The following SMG9 variants were observed in gnomAD, a reference collection of about 807,000 sequenced individuals.
SMG9 encodes nonsense-mediated mRNA decay factor SMG9.
SMG9 carries 55 observed loss-of-function variants against 64.0 expected under a neutral mutation model. That is an observed-to-expected ratio of 0.86 (90% CI 0.69 to 1.08). The LOEUF (loss-of-function observed/expected upper bound fraction) is 1.08. SMG9 is among the 50% of genes least tolerant of loss of function. SMG9 has a pLI of 0.00. For synonymous variants in SMG9, 244 were observed against 254.8 expected, an observed-to-expected ratio of 0.96 and a Z score of 0.41; for missense variants, 554 against 681.3, an observed-to-expected ratio of 0.81 and a Z score of 2.08.
In SMG9 at chr19:43,733,352, T is replaced by C. The variant is rs1478255215; in HGVS notation, c.1311A>G (p.Glu437=). ...CTCTTGGTGGGTTTTCACTCTCTGC[T>C]TCACTGTCCATGAAGGGTACCAGGA... ...NLFLVPFMDS[E]AESENPPRAG... is the part of the protein sequence containing the mutation. Residue 437 remains glutamate (E), a synonymous_variant, in exon 12 of 14, where the codon GAA becomes GAG. Transcript: ENST00000270066. 1.2e-6 allele frequency: 2 copies of C among 1,614,032 alleles called. No homozygotes were observed. Among genetic ancestry groups the C allele is most frequent in the Non-Finnish European group, 1.7e-6 (2 of 1,180,010 alleles).
chr19:43,752,155 T>C (rs1314488621), intron 1 of SMG9, among the ~76,000 whole-genome samples: 2 of 152,224 alleles, frequency 1.3e-5, no homozygotes, highest in Non-Finnish European at 2.9e-5. Flanking sequence ...CATTTCAGTG[T>C]CTGTCTGTCT....
In SMG9 at chr19:43,737,251, C is replaced by T. The variant is rs150581465; in HGVS notation, c.995+346G>A. On this transcript the variant is annotated intron_variant, in intron 9 of 13. Transcript: ENST00000270066. ...TTGTACCACTGCACTCCAGCCTGGGCGACAGAGCGAGACTCCGTCTCAATA... is the reference window on the plus strand; with the variant it reads ...TTGTACCACTGCACTCCAGCCTGGGTGACAGAGCGAGACTCCGTCTCAATA... Among the ~76,000 whole-genome samples the T allele has an allele frequency of 2.9e-3, 434 of 151,310 alleles. 3 individuals carry two copies. Among genetic ancestry groups the T allele is most frequent in the African/African-American group, 0.01 (426 of 41,292 alleles).
intron 13 of SMG9, among the ~76,000 whole-genome samples, chr19:43,731,881 T>C (rs1373485505): frequency 1.3e-5 from 2 of 152,260 alleles, no homozygotes; most frequent in Non-Finnish European, 2.9e-5. Flanking sequence ...ACCCAGGTTA[T>C]GCAAAGCTGA....
chr19:43,744,559 G>C (rs1262645096), intron 6 of SMG9, among the ~76,000 whole-genome samples: 1 of 149,544 alleles, frequency 6.7e-6, no homozygotes, highest in South Asian at 2.2e-4. Context: ...GGAAGGGAGG[G>C]AGGGAGGGAG....
Position 43,731,656 on chromosome 19 carries a change from C to G in SMG9, c.1503G>C (p.Arg501=). ...TEKNWFHYAA[R]IWDGVRKSSA... ...AGGACTTTCTCACCCCATCCCAGAT[C>G]CGGGCAGCGTAGTGGAACCTGTGAG... is the stretch of plus-strand genomic sequence containing the variant. The change falls in exon 14 of 14, where the codon CGG becomes CGC. Residue 501 remains arginine (R), a synonymous_variant. Coordinates refer to ENST00000270066, the MANE Select transcript of SMG9 (RefSeq NM_019108.4). 6.2e-7 allele frequency: 1 copy of G among 1,614,240 alleles called. No homozygotes were observed. Among genetic ancestry groups the G allele is most frequent in the Middle Eastern group, 1.6e-4 (1 of 6,062 alleles).
chr19:43,746,679 A>G (rs346534), intron 5 of SMG9, among the ~76,000 whole-genome samples: 41,144 of 150,098 alleles, frequency 0.27, 6,318 homozygotes, highest in African/African-American at 0.42. Context: ...GGGACACAAC[A>G]TCTGGGAGAC....
chr19:43,735,160 A>C (rs1246200523), intron 9 of SMG9, among the ~76,000 whole-genome samples: 1 of 152,230 alleles, frequency 6.6e-6, no homozygotes, highest in Non-Finnish European at 1.5e-5. Flanking sequence ...CTTGATCTGC[A>C]TCTAATGATC....
chr19:43,733,851 A>G, intron 10 of SMG9, 118 bp from the exon 11 acceptor site: 1 of 696,914 alleles, frequency 1.4e-6, no homozygotes, highest in African/African-American at 1.8e-5. Flanking sequence ...GTAAATATTT[A>G]TATAACTTCA....
chr19:43,731,422 T>G lies in SMG9; in HGVS notation c.*174A>C. ...CAGTCACCCCCGGAACAGCCCCAAC[T>G]GAGGGTGGGGGGCCTGGCCCTGGAC... On this transcript the variant is annotated 3_prime_UTR_variant, in exon 14 of 14. Transcript: ENST00000270066. 1.4e-6 allele frequency: 2 copies of G among 1,431,382 alleles called. No homozygotes were observed. Among genetic ancestry groups the G allele is most frequent in the Admixed American group, 5.8e-5 (2 of 34,374 alleles). 88.7% of individuals were successfully genotyped at this position (1,431,382 alleles called of 1,614,324 possible).
rs1223810314 is a variant in SMG9 at position 43,730,576 on chromosome 19, T to G, written c.*1020A>C. The G allele has an allele frequency of 1.3e-5, 2 of 152,104 alleles. No homozygotes were observed. The highest frequency in any genetic ancestry group is 2.4e-5 in the African/African-American group (1 of 41,402). The allele number at this position is 152,104 out of a possible 1,614,324, so 9.4% of individuals were successfully genotyped here. A position where few individuals can be genotyped will look rare whatever the true frequency, so the allele number is the denominator to read the frequency against. ...AGTCAAAAGTAGGCTTTTTTTTTTT[T>G]TTTGAGACGGAGTCTCGCTCTGTTG... On this transcript the variant is annotated 3_prime_UTR_variant, in exon 14 of 14. Transcript: ENST00000270066.
chr19:43,731,861 T>A (rs2146354929), intron 13 of SMG9, among the ~76,000 whole-genome samples, 187 bp from the exon 14 acceptor site: 1 of 152,338 alleles, frequency 6.6e-6, no homozygotes, highest in East Asian at 1.9e-4. Flanking sequence ...GGCCCAACTT[T>A]TCTTAGCTCA....
Position 43,744,834 on chromosome 19 carries a change from C to T in SMG9, c.639G>A (p.Gln213=). ...DVLVVGVLGL[Q]GTGKSMVMSL... is the part of the protein sequence containing the mutation. ...ACATGACCATGGACTTGCCTGTCCC[C>T]TGGAGGCCCAGGACACCAACCACCA... Residue 213 remains glutamine (Q), a synonymous_variant, in exon 6 of 14, where the codon CAG becomes CAA. Coordinates refer to ENST00000270066, the MANE Select transcript of SMG9 (RefSeq NM_019108.4). The T allele has an allele frequency of 6.2e-7, 1 of 1,614,012 alleles. No individual in the cohort carries two copies. The highest frequency in any genetic ancestry group is 8.5e-7 in the Non-Finnish European group (1 of 1,179,916).
In SMG9 at chr19:43,731,574, C is replaced by A. The variant is rs1052309402; in HGVS notation, c.*22G>T. ...CACTGCGGACCCAGGAGGTCCCCTG[C>A]ATGACATTCCTCTCCTTGGCCTCAG... On this transcript the variant is annotated 3_prime_UTR_variant, in exon 14 of 14. Coordinates refer to ENST00000270066, the MANE Select transcript of SMG9 (RefSeq NM_019108.4). 6.2e-7 allele frequency: 1 copy of A among 1,614,126 alleles called. No individual in the cohort carries two copies. The highest frequency in any genetic ancestry group is 1.3e-5 in the African/African-American group (1 of 75,072).
At position 43,747,978 on chromosome 19, in the gene SMG9, C is replaced by T; in HGVS notation, c.225G>A (p.Arg75=). 1 of 1,614,194 alleles carries T rather than the reference C, an allele frequency of 6.2e-7. No homozygotes were observed. Among genetic ancestry groups the T allele is most frequent in the Non-Finnish European group, 8.5e-7 (1 of 1,180,044 alleles). ...PIILSKPPAE[R]SKQPPPPTAP... is the part of the protein sequence containing the mutation. ...CCCTCCTCCCTCCTTCTCTGCTCAC[C>T]CGCTCTGCTGGAGGTTTTGAGAGGA... Residue 75 remains arginine (R), a splice_region_variant and synonymous_variant, in exon 3 of 14, where the codon CGG becomes CGA. Coordinates refer to ENST00000270066, the MANE Select transcript of SMG9 (RefSeq NM_019108.4).
intron 5 of SMG9, among the ~76,000 whole-genome samples, chr19:43,746,819 CTT>C (rs11326289): frequency 9.2e-4 from 124 of 134,106 alleles, no homozygotes; most frequent in Admixed American, 6.8e-4. Context: ...GCTTCTTGTT[CTT>C]TTTTTTTTTT....
chr19:43,748,223 C>T (rs1373365660), intron 2 of SMG9, among the ~76,000 whole-genome samples, 171 bp from the exon 3 acceptor site: 2 of 152,168 alleles, frequency 1.3e-5, no homozygotes, highest in African/African-American at 4.8e-5. Flanking sequence ...GAAAATGAAG[C>T]CTAGAAAGGT....
At chr19:43,750,781 G>C in intron 1 of SMG9, 34 bp from the exon 2 acceptor site, 1 of 1,579,058 alleles carries the variant, frequency 6.3e-7, no homozygotes, top group Non-Finnish European at 8.6e-7. Context: ...CAGGATGACA[G>C]AGTCTCTTCC....
chr19:43,732,678 G>C lies in SMG9; in HGVS notation c.1484+180C>G, dbSNP rs557873450. On this transcript the variant is annotated intron_variant, in intron 13 of 13. Transcript: ENST00000270066. ...GGAGGATTCAAAGTCACAGGAAACA[G>C]CATGTTGCCACATGGGTGAGATGCT... The C allele has an allele frequency of 1.3e-4, 93 of 691,676 alleles. 1 individual carries two copies. The South Asian group carries it at 1.7e-3, about 12-fold the overall frequency. The allele number at this position is 691,676 out of a possible 1,614,324, so 42.8% of individuals were successfully genotyped here.
In SMG9 at chr19:43,738,647, C is replaced by T. The variant is rs539016427; in HGVS notation, c.814-430G>A. On this transcript the variant is annotated intron_variant, in intron 7 of 13. Transcript: ENST00000270066. ...GTATAAGAATCAGTGGTGAGCTCAC[C>T]GGACTTTTTTTTCTTAAAGGAACAT... Among the ~76,000 whole-genome samples, 14 of 152,066 alleles carry T rather than the reference C, an allele frequency of 9.2e-5. No homozygotes were observed. The East Asian group carries it at 1.4e-3, about 15-fold the overall frequency.
Sources: gnomAD v4.1 joint callset for allele counts (sites outside exome capture counted in the v4.1 genomes callset) on GRCh38, gnomAD v4.1.1 for gene constraint, MANE v1.5 for transcripts, NCBI Gene and HGNC (gene_info 2026-07-23, HGNC 2026-07-21) for gene names.